PDIA5: variants seen among roughly 807,000 people sequenced by gnomAD.
PDIA5 encodes protein disulfide isomerase family A member 5, also known as protein disulfide-isomerase A5.
In PDIA5, 58 loss-of-function variants were observed where a neutral mutation model predicts 77.6. The observed-to-expected ratio is 0.75, with a 90% CI of 0.61 to 0.93. PDIA5 has a LOEUF of 0.93. Among genes scored for constraint, PDIA5 ranks in the 40% least tolerant of loss-of-function variants. The pLI, the probability that PDIA5 is intolerant of heterozygous loss-of-function variation, is 0.00. For missense variants in PDIA5, 630 were observed against 647.7 expected, an observed-to-expected ratio of 0.97 and a Z score of 0.30; for synonymous variants, 250 against 252.1, an observed-to-expected ratio of 0.99 and a Z score of 0.08.
At chr3:123,093,960 G>A (rs3792360) in intron 3 of PDIA5, among the ~76,000 whole-genome samples, 20,505 of 152,186 alleles carry the variant, frequency 0.13, 1,487 homozygotes, top group African/African-American at 0.16. Flanking sequence ...GTCCCTGAGC[G>A]GCCTGGAAAA....
At chr3:123,099,453 C>T (rs1255630281) in intron 3 of PDIA5, among the ~76,000 whole-genome samples, 1 of 152,178 alleles carries the variant, frequency 6.6e-6, no homozygotes, top group East Asian at 1.9e-4. Context: ...GAAGCCTCCT[C>T]CCCACTCACC....
intron 11 of PDIA5, among the ~76,000 whole-genome samples, chr3:123,139,212 G>A (rs1935568631): frequency 6.6e-6 from 1 of 152,184 alleles, no homozygotes; most frequent in South Asian, 2.1e-4. Context: ...CAGTGGGCCG[G>A]AGTCCCGCTC....
intron 14 of PDIA5, among the ~76,000 whole-genome samples, chr3:123,151,377 C>A (rs1440780647): frequency 6.6e-6 from 1 of 152,252 alleles, no homozygotes; most frequent in Non-Finnish European, 1.5e-5. Context: ...GAGGACTGAG[C>A]CTTGCCCAAG....
Position 123,142,072 on chromosome 3 carries a change from C to T in PDIA5, c.911-3450C>T, listed in dbSNP as rs561976299. 2.0e-5 allele frequency among the ~76,000 whole-genome samples: 3 copies of T among 152,310 alleles called. No homozygotes were observed. The South Asian group carries it at 6.2e-4, about 32-fold the overall frequency. On this transcript the variant is annotated intron_variant, in intron 11 of 16. Coordinates refer to ENST00000316218, the MANE Select transcript of PDIA5 (RefSeq NM_006810.4). ...GGAAGGGGAGGAGAGGCTTTTGTGA[C>T]AATCTCAAGAATGTCAGTGCCTGGG... is the stretch of plus-strand genomic sequence containing the variant.
intron 5 of PDIA5, among the ~76,000 whole-genome samples, chr3:123,103,971 G>A (rs544549235): frequency 1.2e-3 from 187 of 152,234 alleles, no homozygotes; most frequent in African/African-American, 4.3e-3. Flanking sequence ...GTTTAACCGG[G>A]ACCTCTGAGG....
intron 10 of PDIA5, among the ~76,000 whole-genome samples, 159 bp from the exon 11 acceptor site, chr3:123,130,321 G>A (rs1180346973): frequency 2.0e-5 from 3 of 152,190 alleles, no homozygotes; most frequent in African/African-American, 2.4e-5. Flanking sequence ...CTCACCCCAC[G>A]GCACCTCCAT....
intron 1 of PDIA5, among the ~76,000 whole-genome samples, chr3:123,082,924 C>T (rs1019344022): frequency 2.0e-5 from 3 of 152,102 alleles, no homozygotes; most frequent in Non-Finnish European, 4.4e-5. Context: ...ACTCCTGAGC[C>T]AGTGCTCTTT....
chr3:123,115,021 A>C (rs1473191816), intron 7 of PDIA5, among the ~76,000 whole-genome samples: 2 of 152,098 alleles, frequency 1.3e-5, no homozygotes, highest in Non-Finnish European at 2.9e-5. Flanking sequence ...GTGGCCCAGA[A>C]GGAATGTTGG....
intron 13 of PDIA5, among the ~76,000 whole-genome samples, chr3:123,148,392 A>AC (rs913057943): frequency 4.6e-5 from 7 of 151,918 alleles, no homozygotes; most frequent in Admixed American, 1.3e-4. Flanking sequence ...ACATAGTGAG[A>AC]CCCCACCTCT....
At chr3:123,138,895 A>G (rs560698582) in intron 11 of PDIA5, among the ~76,000 whole-genome samples, 2 of 152,264 alleles carry the variant, frequency 1.3e-5, no homozygotes, top group South Asian at 4.1e-4. Flanking sequence ...AGGGAGCTTT[A>G]CAGATTAATC....
intron 1 of PDIA5, among the ~76,000 whole-genome samples, chr3:123,072,853 C>T (rs78731655): frequency 0.01 from 1,564 of 151,746 alleles, 26 homozygotes; most frequent in African/African-American, 0.036. Context: ...TAAGGAGAGG[C>T]GGAGGTTCTT....
At position 123,130,666 on chromosome 3, in the gene PDIA5, T is replaced by C. The variant is rs182729325; in HGVS notation, c.910+50T>C. The C allele has an allele frequency of 3.2e-4, 515 of 1,597,052 alleles. 1 individual carries two copies. In the African/African-American group the frequency reaches 5.9e-3, roughly 18 times the overall value. ...CTCCACACCCTCCCCTCTCTCAGAG[T>C]AGGATGAGTGTGGCGCTTTGCAATG... is the stretch of plus-strand genomic sequence containing the variant. On this transcript the variant is annotated intron_variant, in intron 11 of 16. Transcript: ENST00000316218.
At chr3:123,099,241 A>G (rs1934521228) in intron 3 of PDIA5, among the ~76,000 whole-genome samples, 1 of 152,246 alleles carries the variant, frequency 6.6e-6, no homozygotes, top group Admixed American at 6.5e-5. Context: ...GCCTCATCCC[A>G]GCAGCGGTAA....
intron 1 of PDIA5, among the ~76,000 whole-genome samples, chr3:123,070,082 T>TC (rs1933684762): frequency 7.4e-6 from 1 of 135,948 alleles, no homozygotes; most frequent in South Asian, 2.3e-4. Context: ...GGAGCAAGAC[T>TC]CCATCTCAAA....
intron 15 of PDIA5, among the ~76,000 whole-genome samples, chr3:123,157,912 G>A (rs1936055226): frequency 6.6e-6 from 1 of 152,216 alleles, no homozygotes; most frequent in Non-Finnish European, 1.5e-5. Context: ...GTCAAGGTGT[G>A]CAGGCTGGGG....
chr3:123,095,865 C>T (rs1378398001), intron 3 of PDIA5, among the ~76,000 whole-genome samples: 2 of 151,976 alleles, frequency 1.3e-5, no homozygotes, highest in African/African-American at 4.8e-5. Flanking sequence ...GGGCCTTTGG[C>T]AAGTCACTGC....
At chr3:123,116,515 C>T (rs908029467) in intron 8 of PDIA5, among the ~76,000 whole-genome samples, 9 of 152,220 alleles carry the variant, frequency 5.9e-5, no homozygotes, top group African/African-American at 1.9e-4. Context: ...GAGAGTTTGA[C>T]ACCTGCCAAA....
chr3:123,147,087 A>G (rs1935791893), intron 13 of PDIA5, among the ~76,000 whole-genome samples: 1 of 152,208 alleles, frequency 6.6e-6, no homozygotes, highest in Non-Finnish European at 1.5e-5. Context: ...CTAGGATTAC[A>G]GGCGTGAACC....
chr3:123,069,624 A>G (rs1933673460), intron 1 of PDIA5, among the ~76,000 whole-genome samples: 1 of 152,126 alleles, frequency 6.6e-6, no homozygotes, highest in Non-Finnish European at 1.5e-5. Context: ...GTATTCTCAT[A>G]TGATAGAAAG....
Sources: allele counts gnomAD v4.1 joint callset (sites outside exome capture counted in the v4.1 genomes callset), GRCh38; gene constraint gnomAD v4.1.1; transcripts MANE v1.5; gene names NCBI Gene and HGNC (gene_info 2026-07-23, HGNC 2026-07-21).